The following PTPN4 variants were observed in gnomAD, a reference collection of about 807,000 sequenced individuals.
PTPN4 encodes protein tyrosine phosphatase non-receptor type 4, also known as tyrosine-protein phosphatase non-receptor type 4.
PTPN4 carries 49 observed loss-of-function variants against 135.5 expected under a neutral mutation model. The observed-to-expected ratio is 0.36, with a 90% confidence interval of 0.29 to 0.46. The LOEUF is 0.46. PTPN4 is among the 20% of genes least tolerant of loss of function. PTPN4 has a pLI of 1.00. For missense variants in PTPN4, 860 were observed against 1,101.0 expected (o/e 0.78, Z 3.10); for synonymous variants, 333 against 369.9 (o/e 0.90, Z 1.14).
intron 19 of PTPN4, among the ~76,000 whole-genome samples, chr2:119,954,758 G>A (rs1047828401): frequency 6.6e-6 from 1 of 152,156 alleles, no homozygotes; most frequent in African/African-American, 2.4e-5. Flanking sequence ...AGCATATTTT[G>A]TTTAGCACTG....
At chr2:119,882,006 A>G (rs979407553) in intron 6 of PTPN4, 91 bp from the exon 7 acceptor site, 9 of 1,253,028 alleles carry the variant, frequency 7.2e-6, no homozygotes, top group Non-Finnish European at 2.3e-6. Flanking sequence ...AAATCACATG[A>G]AACTTCAAGT....
chr2:119,789,958 C>G (rs1691114189), intron 1 of PTPN4, among the ~76,000 whole-genome samples: 1 of 152,038 alleles, frequency 6.6e-6, no homozygotes, highest in Non-Finnish European at 1.5e-5. Flanking sequence ...GAACTCCTGA[C>G]CTCAAGTGAT....
At chr2:119,926,302 A>G (rs1678824017) in intron 12 of PTPN4, among the ~76,000 whole-genome samples, 1 of 152,166 alleles carries the variant, frequency 6.6e-6, no homozygotes, top group African/African-American at 2.4e-5. Flanking sequence ...CCTAGTGCCA[A>G]AACCCCACCA....
chr2:119,951,334 C>T (rs1679208515), intron 18 of PTPN4, among the ~76,000 whole-genome samples: 2 of 152,198 alleles, frequency 1.3e-5, no homozygotes, highest in Admixed American at 1.3e-4. Flanking sequence ...AACTTCACCT[C>T]CAGCATTATT....
At chr2:119,878,308 G>T (rs1383633738) in intron 5 of PTPN4, among the ~76,000 whole-genome samples, 3 of 152,104 alleles carry the variant, frequency 2.0e-5, no homozygotes, top group Non-Finnish European at 4.4e-5. Context: ...CTTGTGTGTT[G>T]CCTGAAAGAC....
intron 10 of PTPN4, among the ~76,000 whole-genome samples, chr2:119,905,747 G>A (rs1276299179): frequency 2.0e-5 from 3 of 152,116 alleles, no homozygotes; most frequent in Non-Finnish European, 4.4e-5. Flanking sequence ...TTTTTAAATA[G>A]TAATTATATC....
At position 119,977,106 on chromosome 2, in the gene PTPN4, T is replaced by C. The variant is rs373094787; in HGVS notation, c.*36T>C. The stretch of plus-strand genomic sequence containing the variant: ...AGATCTGGGATATGTGTTGGAAAAC[T>C]GCTTTCCCTTATGTTCACTGTGCCA... On this transcript the variant is annotated 3_prime_UTR_variant, in exon 27 of 27. Coordinates refer to ENST00000263708, the MANE Select transcript of PTPN4 (RefSeq NM_002830.4). 7.7e-6 allele frequency: 12 copies of C among 1,562,802 alleles called. No homozygotes were observed. Among genetic ancestry groups the C allele is most frequent in the Non-Finnish European group, 1.0e-5 (12 of 1,161,510 alleles).
intron 1 of PTPN4, among the ~76,000 whole-genome samples, chr2:119,764,321 T>C (rs912603189): frequency 6.6e-6 from 1 of 152,174 alleles, no homozygotes; most frequent in Admixed American, 6.5e-5. Context: ...TATATAGGAG[T>C]TCCCCGGTGC....
At chr2:119,969,992 C>CA (rs1679506168) in intron 26 of PTPN4, among the ~76,000 whole-genome samples, 1 of 152,100 alleles carries the variant, frequency 6.6e-6, no homozygotes, top group African/African-American at 2.4e-5. Context: ...TTAAAGTATA[C>CA]AATTCAGTGG....
At position 119,980,530 on chromosome 2, in the gene PTPN4, G is replaced by A. The variant is rs1260010289; in HGVS notation, c.*3460G>A. 1 of 151,850 alleles carries A rather than the reference G, an allele frequency of 6.6e-6. No homozygotes were observed. The highest frequency in any genetic ancestry group is 1.5e-5 in the Non-Finnish European group (1 of 67,900). The allele number at this position is 151,850 out of a possible 1,614,324, so 9.4% of individuals were successfully genotyped here. ...TTGATTTAGCAGTCTGGTCTTATAT[G>A]ATCTGCTTTCTAATTATCTATCTAG... is the stretch of plus-strand genomic sequence containing the variant. On this transcript the variant is annotated 3_prime_UTR_variant, in exon 27 of 27. Transcript: ENST00000263708.
At chr2:119,847,788 C>A (rs1677527964) in intron 2 of PTPN4, among the ~76,000 whole-genome samples, 1 of 152,116 alleles carries the variant, frequency 6.6e-6, no homozygotes, top group Non-Finnish European at 1.5e-5. Context: ...TCTCAGTATT[C>A]ATTTATGTGG....
At chr2:119,855,961 C>T (rs904068074) in intron 2 of PTPN4, among the ~76,000 whole-genome samples, 24 of 152,066 alleles carry the variant, frequency 1.6e-4, no homozygotes, top group Admixed American at 6.6e-4. Context: ...CCCGCCACCG[C>T]ACCCAGCTAA....
intron 25 of PTPN4, among the ~76,000 whole-genome samples, chr2:119,966,750 G>T (rs1320078448): frequency 6.6e-6 from 1 of 152,088 alleles, no homozygotes; most frequent in Non-Finnish European, 1.5e-5. Context: ...CCTACCAAAG[G>T]CTTTGCTACT....
chr2:119,851,525 A>G (rs1034777599), intron 2 of PTPN4, among the ~76,000 whole-genome samples: 5 of 152,082 alleles, frequency 3.3e-5, no homozygotes, highest in African/African-American at 9.7e-5. Flanking sequence ...GGCTGTCCAT[A>G]TGCACAGTGC....
chr2:119,882,192 G>C, intron 7 of PTPN4, 43 bp downstream of exon 7: 2 of 1,533,542 alleles, frequency 1.3e-6, no homozygotes, highest in African/African-American at 2.7e-5. Flanking sequence ...ATATAACTGT[G>C]GTTTGTGTTG....
chr2:119,808,263 G>A lies in PTPN4; in HGVS notation c.-17-1574G>A, dbSNP rs182175963. 1.4e-3 allele frequency among the ~76,000 whole-genome samples: 210 copies of A among 152,194 alleles called. 2 individuals are homozygous for A. Among genetic ancestry groups the A allele is most frequent in the South Asian group, 1.5e-3 (7 of 4,816 alleles). On this transcript the variant is annotated intron_variant, in intron 1 of 26. Transcript: ENST00000263708. Reference sequence around the variant, plus strand: ...AAGAGAAAGAAATAAAGGGTATTCAGTTAGGAAAAGAGGAAGTCAAATTGT... The same window carrying A: ...AAGAGAAAGAAATAAAGGGTATTCAATTAGGAAAAGAGGAAGTCAAATTGT...
At position 119,809,941 on chromosome 2, in the gene PTPN4, GTTTGCA is replaced by G. The variant is rs1691549394; in HGVS notation, c.89_94del (p.Val30_Asn32delinsAsp). On this transcript the variant is annotated inframe_deletion, in exon 2 of 27. Transcript: ENST00000263708. ...CCGAGACAGACAGCATACTGAAGTG[GTTTGCA>G]ACATCCTTCTTCTGGATAACACTGT... 2.5e-6 allele frequency: 4 copies of G among 1,613,528 alleles called. No individual in the cohort carries two copies. Among genetic ancestry groups the G allele is most frequent in the Non-Finnish European group, 3.4e-6 (4 of 1,179,754 alleles).
chr2:119,915,317 A>G, intron 11 of PTPN4, 75 bp downstream of exon 11: 1 of 1,238,774 alleles, frequency 8.1e-7, no homozygotes, highest in Non-Finnish European at 1.1e-6. Context: ...GAACTTTTCT[A>G]TTATTAGTAC....
chr2:119,819,106 A>G (rs1209797353), intron 2 of PTPN4, among the ~76,000 whole-genome samples: 2 of 152,088 alleles, frequency 1.3e-5, no homozygotes, highest in East Asian at 1.9e-4. Flanking sequence ...AGCAACCCCA[A>G]ACATTAATTT....
Sources: gnomAD v4.1 joint callset for allele counts (sites outside exome capture counted in the v4.1 genomes callset) on GRCh38, gnomAD v4.1.1 for gene constraint, MANE v1.5 for transcripts, NCBI Gene and HGNC (gene_info 2026-07-23, HGNC 2026-07-21) for gene names.